EPB41: variants seen among roughly 807,000 people sequenced by gnomAD.
EPB41 encodes protein 4.1.
Under a neutral mutation model 108.0 loss-of-function variants are expected in EPB41, and 65 were observed. The observed-to-expected ratio is 0.60, with a 90% CI of 0.49 to 0.74. The LOEUF (loss-of-function observed/expected upper bound fraction) is 0.74, where lower values mean the gene tolerates loss of function less well. EPB41 is among the 30% of genes least tolerant of loss of function. The pLI is 0.00. For synonymous variants in EPB41, 336 were observed against 358.9 expected, an observed-to-expected ratio of 0.94 and a Z score of 0.72; for missense variants, 875 against 1,037.0, an observed-to-expected ratio of 0.84 and a Z score of 2.15.
chr1:29,116,063 T>A (rs1670829414), intron 20 of EPB41, among the ~76,000 whole-genome samples: 1 of 152,004 alleles, frequency 6.6e-6, no homozygotes, highest in Non-Finnish European at 1.5e-5. Context: ...AGCTACCCTC[T>A]GAGTCTTCAT....
At chr1:29,025,517 T>C (rs2096708103) in intron 7 of EPB41, among the ~76,000 whole-genome samples, 1 of 151,922 alleles carries the variant, frequency 6.6e-6, no homozygotes, top group African/African-American at 2.4e-5. Flanking sequence ...TCCCAGCTGG[T>C]TTGTTATGAC....
chr1:28,935,563 T>C (rs1342332370), intron 1 of EPB41, among the ~76,000 whole-genome samples: 1 of 151,218 alleles, frequency 6.6e-6, no homozygotes, highest in East Asian at 2.0e-4. Context: ...TTCATTCCAG[T>C]TTATCTTGCC....
chr1:29,104,943 G>A lies in EPB41; in HGVS notation c.2314-4393G>A, dbSNP rs149734641. Among the ~76,000 whole-genome samples, 1,505 of 151,300 alleles carry A rather than the reference G, an allele frequency of 9.9e-3. 14 individuals are homozygous for A. The highest frequency in any genetic ancestry group is 0.079 in the Middle Eastern group (23 of 292). The stretch of plus-strand genomic sequence containing the variant: ...TCACTTTGTTGCTAAGGCTGATCTC[G>A]AACTCCTGGGCTCAAGCAATCCTCC... On this transcript the variant is annotated intron_variant, in intron 17 of 20. Coordinates refer to ENST00000343067, the MANE Select transcript of EPB41 (RefSeq NM_001376013.1).
chr1:28,946,961 A>G (rs936185569), intron 1 of EPB41, among the ~76,000 whole-genome samples: 1 of 152,250 alleles, frequency 6.6e-6, no homozygotes, highest in African/African-American at 2.4e-5. Context: ...GACTGAAAGA[A>G]AATATCCTGT....
chr1:28,917,512 C>A lies in EPB41; in HGVS notation c.-8+2744C>A, dbSNP rs532186595. On this transcript the variant is annotated intron_variant, in intron 1 of 20. Transcript: ENST00000343067. ...GTCAGTATGGTCTCGATTTCTTGAC[C>A]TCGTGATCCACCCGCCTCGGCCTTC... Among the ~76,000 whole-genome samples, 166 of 152,066 alleles carry A rather than the reference C, an allele frequency of 1.1e-3. 1 individual carries two copies. Among genetic ancestry groups the A allele is most frequent in the Non-Finnish European group, 1.8e-3 (121 of 68,016 alleles).
At chr1:29,039,521 C>T in intron 11 of EPB41, 95 bp downstream of exon 11, 1 of 1,516,070 alleles carries the variant, frequency 6.6e-7, no homozygotes, top group South Asian at 1.2e-5. Flanking sequence ...ATTAAAGAAG[C>T]TCAGGGTTGG....
chr1:29,106,648 A>T (rs2151628053), intron 17 of EPB41, among the ~76,000 whole-genome samples: 1 of 129,152 alleles, frequency 7.7e-6, no homozygotes, highest in South Asian at 2.5e-4. Context: ...ATCTTGGCTC[A>T]CTGCAACCTC....
intron 1 of EPB41, among the ~76,000 whole-genome samples, chr1:28,949,319 C>T (rs1303664226): frequency 6.6e-6 from 1 of 152,062 alleles, no homozygotes; most frequent in Admixed American, 6.6e-5. Context: ...TGGTGTGCAC[C>T]TGTAGTTCCA....
chr1:28,962,203 G>T (rs1386932830), intron 1 of EPB41, among the ~76,000 whole-genome samples: 1 of 152,018 alleles, frequency 6.6e-6, no homozygotes, highest in Non-Finnish European at 1.5e-5. Flanking sequence ...TGGGATTACA[G>T]GGGCCCGCCA....
intron 1 of EPB41, among the ~76,000 whole-genome samples, chr1:28,966,787 C>G (rs1040153551): frequency 6.6e-6 from 1 of 152,060 alleles, no homozygotes; most frequent in African/African-American, 2.4e-5. Flanking sequence ...AAATAGCATG[C>G]TTACCATGTT....
chr1:29,049,067 G>A (rs1644038679), intron 11 of EPB41, among the ~76,000 whole-genome samples: 2 of 152,034 alleles, frequency 1.3e-5, no homozygotes, highest in East Asian at 1.9e-4. Context: ...TTTATAAGGG[G>A]TCTTATTTTA....
chr1:29,112,003 A>G (rs1669346346), intron 18 of EPB41, among the ~76,000 whole-genome samples: 1 of 152,124 alleles, frequency 6.6e-6, no homozygotes, highest in African/African-American at 2.4e-5. Context: ...AAAGATTTTA[A>G]TAATCCAGGG....
intron 1 of EPB41, among the ~76,000 whole-genome samples, chr1:28,934,012 C>T (rs1049092643): frequency 9.2e-5 from 14 of 152,074 alleles, no homozygotes; most frequent in African/African-American, 3.4e-4. Flanking sequence ...ATGTCTTTTT[C>T]CTGTTCCTGA....
Position 28,887,317 on chromosome 1 carries a change from C to T in EPB41, c.-8+107C>T. On this transcript the variant is annotated intron_variant, in intron 1 of 16. Coordinates refer to the EPB41 transcript ENST00000347529. This position sits in a 1 kb window ranked among gnomAD's most constrained non-coding sequence, Gnocchi z 4.9. ...TCGGACCGTCCCGGGAGAGGCGAGACCAGGGTCGAAGGGTCCAGGGCTGAG... is the reference window on the plus strand; with the variant it reads ...TCGGACCGTCCCGGGAGAGGCGAGATCAGGGTCGAAGGGTCCAGGGCTGAG... 25 of 1,204,128 alleles carry T rather than the reference C, an allele frequency of 2.1e-5. No homozygotes were observed. The highest frequency in any genetic ancestry group is 2.6e-5 in the Non-Finnish European group (25 of 948,292). 74.6% of individuals were successfully genotyped at this position (1,204,128 alleles called of 1,614,324 possible). A position where few individuals can be genotyped will look rare whatever the true frequency, so the allele number is the denominator to read the frequency against.
chr1:28,980,305 T>A (rs1423388332), intron 1 of EPB41, among the ~76,000 whole-genome samples: 1 of 151,898 alleles, frequency 6.6e-6, no homozygotes, highest in Non-Finnish European at 1.5e-5. Context: ...GCCATTGCAC[T>A]CCAGCCTGGG....
chr1:29,029,041 CAAA>C (rs34636821), intron 7 of EPB41, among the ~76,000 whole-genome samples: 6 of 123,692 alleles, frequency 4.9e-5, no homozygotes, highest in Non-Finnish European at 3.4e-5. Flanking sequence ...GACCCTGTCT[CAAA>C]AAAAAAAAAA....
At chr1:28,991,777 A>G (rs2096026563) in intron 2 of EPB41, among the ~76,000 whole-genome samples, 1 of 151,464 alleles carries the variant, frequency 6.6e-6, no homozygotes, top group Non-Finnish European at 1.5e-5. Context: ...TATTAATTGT[A>G]TGATCCTAGG....
At chr1:28,895,499 A>AT (rs879498060) in intron 1 of EPB41, among the ~76,000 whole-genome samples, 45 of 150,760 alleles carry the variant, frequency 3.0e-4, no homozygotes, top group South Asian at 3.0e-3. Context: ...TATTATTATT[A>AT]TTTTTTTTTG....
chr1:28,972,504 G>A (rs542340991), intron 1 of EPB41, among the ~76,000 whole-genome samples: 18 of 152,008 alleles, frequency 1.2e-4, no homozygotes, highest in Non-Finnish European at 2.4e-4. Context: ...TTGATTCAGC[G>A]GTATTAGTCA....
Sources: gnomAD v4.1 joint callset for allele counts (sites outside exome capture counted in the v4.1 genomes callset) on GRCh38, gnomAD v4.1.1 for gene constraint, Gnocchi (gnomAD v3.1) non-coding constraint, MANE v1.5 for transcripts, NCBI Gene and HGNC (gene_info 2026-07-23, HGNC 2026-07-21) for gene names.